The following ARHGAP24 variants were observed in gnomAD, a reference collection of about 807,000 sequenced individuals.
ARHGAP24 encodes Rho GTPase activating protein 24.
A neutral mutation model predicts 76.4 loss-of-function variants in ARHGAP24; 50 were observed. That is an observed-to-expected ratio of 0.65 (90% CI 0.52 to 0.83). ARHGAP24 has a LOEUF of 0.83. Ranked by LOEUF, ARHGAP24 falls within the 40% of genes least tolerant of loss-of-function variation. The pLI, the probability that ARHGAP24 is intolerant of heterozygous loss-of-function variation, is 0.00. For missense variants in ARHGAP24, 930 were observed against 914.2 expected, an observed-to-expected ratio of 1.02 and a Z score of -0.22; for synonymous variants, 345 against 323.3, an observed-to-expected ratio of 1.07 and a Z score of -0.72.
At chr4:85,968,774 A>G (rs346469) in intron 5 of ARHGAP24, among the ~76,000 whole-genome samples, 99,728 of 151,880 alleles carry the variant, frequency 0.66, 34,063 homozygotes, top group African/African-American at 0.84. Context: ...AGAAAAATGC[A>G]GAACTCTCTA....
chr4:85,591,408 A>G (rs1240012334), intron 2 of ARHGAP24, among the ~76,000 whole-genome samples: 2 of 152,164 alleles, frequency 1.3e-5, no homozygotes, highest in African/African-American at 2.4e-5. Context: ...ATATCTACCA[A>G]TGCTCATCTG....
At chr4:85,512,355 T>C (rs756950569) in intron 1 of ARHGAP24, among the ~76,000 whole-genome samples, 7 of 152,214 alleles carry the variant, frequency 4.6e-5, no homozygotes, top group Non-Finnish European at 1.0e-4. Context: ...GTTTAGTCAC[T>C]ATTATTTAGG....
intron 2 of ARHGAP24, among the ~76,000 whole-genome samples, chr4:85,706,354 T>C (rs997666037): frequency 6.6e-6 from 1 of 152,184 alleles, no homozygotes; most frequent in Admixed American, 6.5e-5. Flanking sequence ...AACTACTAGC[T>C]AAGAACTGAT....
chr4:85,665,562 G>A (rs1364339583), intron 2 of ARHGAP24, among the ~76,000 whole-genome samples: 1 of 152,176 alleles, frequency 6.6e-6, no homozygotes, highest in African/African-American at 2.4e-5. Context: ...TCATTATGAT[G>A]TTAGCTGGTT....
intron 3 of ARHGAP24, among the ~76,000 whole-genome samples, chr4:85,821,825 A>G (rs1729486912): frequency 6.6e-6 from 1 of 152,270 alleles, no homozygotes. Context: ...TTCCAAAAAT[A>G]ACTCGAATGA....
At chr4:85,721,662 A>C (rs1229115837) in intron 2 of ARHGAP24, among the ~76,000 whole-genome samples, 2 of 152,212 alleles carry the variant, frequency 1.3e-5, no homozygotes, top group South Asian at 4.1e-4. Flanking sequence ...CAGCTAACAT[A>C]CATATTAGTC....
intron 3 of ARHGAP24, among the ~76,000 whole-genome samples, chr4:85,919,328 C>T (rs970503696): frequency 6.6e-6 from 1 of 152,172 alleles, no homozygotes; most frequent in Non-Finnish European, 1.5e-5. Flanking sequence ...AAGGCAGTGC[C>T]AGGCTCTTAG....
At chr4:85,747,133 A>G (rs560911318) in intron 3 of ARHGAP24, among the ~76,000 whole-genome samples, 2 of 152,294 alleles carry the variant, frequency 1.3e-5, no homozygotes, top group South Asian at 4.1e-4. Flanking sequence ...CTTTTCAGGA[A>G]ATGCCTGGAG....
At chr4:85,492,206 C>T (rs1361183834) in intron 1 of ARHGAP24, among the ~76,000 whole-genome samples, 1 of 151,818 alleles carries the variant, frequency 6.6e-6, no homozygotes, top group Non-Finnish European at 1.5e-5. Context: ...CTTTTTCTTC[C>T]TCTATTCCTT....
chr4:85,747,649 G>A (rs1049008243), intron 3 of ARHGAP24, among the ~76,000 whole-genome samples: 3 of 152,204 alleles, frequency 2.0e-5, no homozygotes, highest in African/African-American at 7.2e-5. Context: ...CTTGCAGTGA[G>A]CCGAGATTGT....
intron 8 of ARHGAP24, among the ~76,000 whole-genome samples, chr4:85,988,670 G>A (rs7680026): frequency 0.013 from 1,967 of 151,388 alleles, 39 homozygotes; most frequent in African/African-American, 0.045. Flanking sequence ...GATGCAACAA[G>A]TAGAAAAAAA....
chr4:85,492,409 C>T (rs1055702692), intron 1 of ARHGAP24, among the ~76,000 whole-genome samples: 5 of 152,136 alleles, frequency 3.3e-5, no homozygotes, highest in African/African-American at 1.2e-4. Flanking sequence ...CTCCTTTCTA[C>T]TCCTATCCTC....
intron 8 of ARHGAP24, among the ~76,000 whole-genome samples, chr4:85,986,814 A>G (rs1272854078): frequency 2.6e-5 from 4 of 152,146 alleles, no homozygotes; most frequent in African/African-American, 9.7e-5. Flanking sequence ...CCACAAAAAG[A>G]GTGCAAAGTC....
At chr4:85,655,792 T>TATATATATATATATATATATATAG in intron 2 of ARHGAP24, among the ~76,000 whole-genome samples, 1 of 37,702 alleles carries the variant, frequency 2.7e-5, no homozygotes, top group African/African-American at 1.6e-4. Flanking sequence ...TATATATATA[T>TATATATATATATATATATATATAG]AGAGAGAGAG....
At chr4:85,682,940 T>C (rs1351800075) in intron 2 of ARHGAP24, among the ~76,000 whole-genome samples, 1 of 152,110 alleles carries the variant, frequency 6.6e-6, no homozygotes, top group Admixed American at 6.6e-5. Flanking sequence ...CTCATGAATC[T>C]CCCATACCAA....
At chr4:85,755,867 A>G (rs1726471518) in intron 3 of ARHGAP24, among the ~76,000 whole-genome samples, 1 of 151,984 alleles carries the variant, frequency 6.6e-6, no homozygotes, top group Non-Finnish European at 1.5e-5. Flanking sequence ...TCCTGACTTC[A>G]GGTGATCTGC....
chr4:85,683,474 A>G (rs1016263335), intron 2 of ARHGAP24, among the ~76,000 whole-genome samples: 2 of 152,210 alleles, frequency 1.3e-5, no homozygotes, highest in African/African-American at 2.4e-5. Context: ...TAACTCACCT[A>G]CTTATTTAAA....
intron 3 of ARHGAP24, among the ~76,000 whole-genome samples, chr4:85,815,185 G>A (rs1018655787): frequency 6.6e-6 from 1 of 152,186 alleles, no homozygotes; most frequent in Non-Finnish European, 1.5e-5. Context: ...TGTGATGGGA[G>A]GGGCTGCCAT....
At chr4:85,920,917 TAC>T (rs1008295970) in intron 3 of ARHGAP24, among the ~76,000 whole-genome samples, 4 of 152,210 alleles carry the variant, frequency 2.6e-5, no homozygotes, top group African/African-American at 9.6e-5. Context: ...GGAACACTTA[TAC>T]ACTGTTGGTG....
Sources: allele counts gnomAD v4.1 joint callset (sites outside exome capture counted in the v4.1 genomes callset), GRCh38; gene constraint gnomAD v4.1.1; transcripts MANE v1.5; gene names NCBI Gene and HGNC (gene_info 2026-07-23, HGNC 2026-07-21).